CENPW: variants seen among roughly 807,000 people sequenced by gnomAD.
CENPW encodes centromere protein W.
A neutral mutation model predicts 11.1 loss-of-function variants in CENPW; 3 were observed. The ratio of observed to expected loss-of-function variants is 0.27; its 90% CI spans 0.12 to 0.70. CENPW has a LOEUF of 0.70. Among genes scored for constraint, CENPW ranks in the 30% least tolerant of loss-of-function variants. The probability of loss-of-function intolerance (pLI) is 0.77; values close to 1 mark genes in which losing one functional copy is unlikely to be tolerated. For missense variants in CENPW, 100 were observed against 105.6 expected (o/e 0.95, Z 0.23); for synonymous variants, 38 against 42.0 (o/e 0.91, Z 0.37).
Position 126,340,370 on chromosome 6 carries a change from C to T in CENPW, c.97C>T (p.Leu33Phe), listed in dbSNP as rs1324340355. 1 of 1,614,164 alleles carries T rather than the reference C, an allele frequency of 6.2e-7. No homozygotes were observed. Among genetic ancestry groups the T allele is most frequent in the Admixed American group, 1.7e-5 (1 of 60,028 alleles). The change falls in exon 1 of 3, where the codon CTT (leucine) becomes TTT (phenylalanine). Residue 33 changes from leucine to phenylalanine, a missense_variant. By Grantham distance (22) the Leu-to-Phe change is conservative. Transcript: ENST00000368328. Reference protein sequence around the residue: ...KRVFKRKKPQLRLEKSGDLLV... With the variant: ...KRVFKRKKPQFRLEKSGDLLV... ...AGTCTTCAAGCGAAAGAAGCCTCAA[C>T]TTCGTCTGGAGAAAAGTGGTGACTT...
the CENPW span, among the ~76,000 whole-genome samples, chr6:126,480,318 A>G: frequency 6.6e-6 from 1 of 152,040 alleles, no homozygotes; most frequent in South Asian, 2.1e-4. Flanking sequence ...GTTATGAGGC[A>G]TGGTGTTGTG....
the CENPW span, among the ~76,000 whole-genome samples, chr6:126,356,839 T>C: frequency 1.3e-5 from 2 of 152,210 alleles, no homozygotes; most frequent in Non-Finnish European, 2.9e-5. Flanking sequence ...TAAACCTTTG[T>C]TAGATGTGTA....
the CENPW span, among the ~76,000 whole-genome samples, chr6:126,428,516 A>G: frequency 6.6e-6 from 1 of 152,160 alleles, no homozygotes; most frequent in Non-Finnish European, 1.5e-5. Context: ...ACTTTGCATA[A>G]AAGAGATCTC....
chr6:126,363,761 C>G, the CENPW span, among the ~76,000 whole-genome samples: 21 of 152,318 alleles, frequency 1.4e-4, no homozygotes, highest in African/African-American at 5.1e-4. Context: ...AATCTCCTAT[C>G]AACCTTATCT....
the CENPW span, among the ~76,000 whole-genome samples, chr6:126,454,408 C>G: frequency 6.6e-6 from 1 of 151,164 alleles, no homozygotes; most frequent in African/African-American, 2.4e-5. Flanking sequence ...GAAATTAATA[C>G]TAAGAAAATT....
At chr6:126,430,901 C>T in the CENPW span, among the ~76,000 whole-genome samples, 1 of 151,556 alleles carries the variant, frequency 6.6e-6, no homozygotes, top group Non-Finnish European at 1.5e-5. Context: ...GCCTGGGTGA[C>T]AGAGTGAGAC....
the CENPW span, among the ~76,000 whole-genome samples, chr6:126,472,797 C>T: frequency 1.1e-4 from 17 of 152,178 alleles, no homozygotes; most frequent in African/African-American, 3.6e-4. Context: ...ACATCCTTGC[C>T]AACACTTGGT....
chr6:126,414,987 C>G, the CENPW span, among the ~76,000 whole-genome samples: 36 of 151,932 alleles, frequency 2.4e-4, no homozygotes, highest in Admixed American at 7.2e-4. Flanking sequence ...AATGGAAAAT[C>G]TATAGGAAAT....
chr6:126,413,160 A>G, the CENPW span, among the ~76,000 whole-genome samples: 2 of 152,186 alleles, frequency 1.3e-5, no homozygotes, highest in Non-Finnish European at 2.9e-5. Flanking sequence ...AACAAAATCT[A>G]TATTGTAAAA....
the CENPW span, among the ~76,000 whole-genome samples, chr6:126,434,425 C>T: frequency 6.6e-6 from 1 of 152,014 alleles, no homozygotes; most frequent in South Asian, 2.1e-4. Flanking sequence ...TGTGGCATAT[C>T]ATAATACATA....
the CENPW span, among the ~76,000 whole-genome samples, chr6:126,458,899 G>T: frequency 4.0e-5 from 6 of 151,280 alleles, no homozygotes; most frequent in African/African-American, 1.5e-4. Context: ...GGTCTGTGTA[G>T]GAGGTAATAA....
At chr6:126,443,251 T>C in the CENPW span, among the ~76,000 whole-genome samples, 1 of 151,296 alleles carries the variant, frequency 6.6e-6, no homozygotes, top group Non-Finnish European at 1.5e-5. Context: ...TATTGATCTG[T>C]AAGCCTTCTT....
the CENPW span, among the ~76,000 whole-genome samples, chr6:126,468,230 G>T: frequency 2.0e-5 from 3 of 151,866 alleles, no homozygotes; most frequent in South Asian, 2.1e-4. Flanking sequence ...AGACCAGCCT[G>T]ACCAACATGG....
chr6:126,383,540 C>T, the CENPW span, among the ~76,000 whole-genome samples: 2 of 151,998 alleles, frequency 1.3e-5, no homozygotes, highest in African/African-American at 4.8e-5. Context: ...ATCTCACATG[C>T]AGTGACATCC....
At chr6:126,395,489 A>G in the CENPW span, among the ~76,000 whole-genome samples, 1 of 152,218 alleles carries the variant, frequency 6.6e-6, no homozygotes, top group East Asian at 1.9e-4. Flanking sequence ...AGTATTTTGA[A>G]TTCTGTGTCT....
At chr6:126,412,274 G>T in the CENPW span, among the ~76,000 whole-genome samples, 1 of 151,516 alleles carries the variant, frequency 6.6e-6, no homozygotes, top group Admixed American at 6.6e-5. Context: ...AGGCATGAAC[G>T]ACCACAGCCT....
At chr6:126,476,941 A>G in the CENPW span, among the ~76,000 whole-genome samples, 21 of 152,138 alleles carry the variant, frequency 1.4e-4, no homozygotes, top group South Asian at 4.3e-3. Flanking sequence ...TTACCAGTTT[A>G]AATGGGTGAC....
chr6:126,466,877 T>C, the CENPW span, among the ~76,000 whole-genome samples: 1 of 151,900 alleles, frequency 6.6e-6, no homozygotes, highest in South Asian at 2.1e-4. Flanking sequence ...AGGAACTCAA[T>C]CATATTCACA....
the CENPW span, among the ~76,000 whole-genome samples, chr6:126,394,196 CT>C: frequency 8.1e-6 from 1 of 123,890 alleles, no homozygotes; most frequent in African/African-American, 2.8e-5. Flanking sequence ...GTTTTGTGGT[CT>C]TCTTTTCCTT....
Sources: gnomAD v4.1 joint callset for allele counts (sites outside exome capture counted in the v4.1 genomes callset) on GRCh38, gnomAD v4.1.1 for gene constraint, MANE v1.5 for transcripts, NCBI Gene and HGNC (gene_info 2026-07-23, HGNC 2026-07-21) for gene names.